NXPH1: variants seen among roughly 807,000 people sequenced by gnomAD.
The protein encoded by NXPH1 is neurexophilin 1, also known as neurexophilin-1.
In NXPH1, 5 loss-of-function variants were observed where a neutral mutation model predicts 23.7. The observed-to-expected ratio is 0.21, with a 90% confidence interval of 0.11 to 0.44. NXPH1 has a LOEUF of 0.44. Among genes scored for constraint, NXPH1 ranks in the 20% least tolerant of loss-of-function variants. The pLI, the probability that NXPH1 is intolerant of heterozygous loss-of-function variation, is 0.99. For synonymous variants in NXPH1, 144 were observed against 122.2 expected (o/e 1.18, Z -1.18); for missense variants, 324 against 321.6 (o/e 1.01, Z -0.06).
At chr7:8,745,719 A>ATTTTTTTTTTTTTTTTT (rs56019801) in intron 2 of NXPH1, among the ~76,000 whole-genome samples, 4 of 111,822 alleles carry the variant, frequency 3.6e-5, no homozygotes, top group Admixed American at 2.0e-4. Context: ...CGCCCAGCTA[A>ATTTTTTTTTTTTTTTTT]TTTTTTTTTT....
intron 2 of NXPH1, among the ~76,000 whole-genome samples, chr7:8,489,148 G>C (rs1405299016): frequency 6.6e-6 from 1 of 152,044 alleles, no homozygotes; most frequent in African/African-American, 2.4e-5. Context: ...GGCTGTGACG[G>C]GAGGGTAAAA....
chr7:8,709,854 C>G (rs1779759674), intron 2 of NXPH1, among the ~76,000 whole-genome samples: 1 of 152,164 alleles, frequency 6.6e-6, no homozygotes, highest in Non-Finnish European at 1.5e-5. Context: ...AAATTCTGAG[C>G]TAATGTTAGG....
At chr7:8,516,460 G>A (rs1477700389) in intron 2 of NXPH1, among the ~76,000 whole-genome samples, 3 of 152,074 alleles carry the variant, frequency 2.0e-5, no homozygotes, top group Admixed American at 6.6e-5. Context: ...ATTTAATACT[G>A]TTTTTGCTGA....
intron 2 of NXPH1, among the ~76,000 whole-genome samples, chr7:8,741,337 T>A (rs1780356818): frequency 6.6e-6 from 1 of 152,172 alleles, no homozygotes; most frequent in Non-Finnish European, 1.5e-5. Flanking sequence ...TCTTGGCAAT[T>A]GTGAATAATG....
At chr7:8,647,833 A>G (rs2349505) in intron 2 of NXPH1, among the ~76,000 whole-genome samples, 105,278 of 149,478 alleles carry the variant, frequency 0.7, 37,838 homozygotes, top group East Asian at 1. Context: ...TGGCCATTTT[A>G]TCCCTAACCC....
chr7:8,730,484 G>T (rs909458001), intron 2 of NXPH1, among the ~76,000 whole-genome samples: 32 of 152,028 alleles, frequency 2.1e-4, no homozygotes, highest in African/African-American at 7.5e-4. Context: ...GGTACCGGTT[G>T]TTCCTTTCCA....
chr7:8,467,100 A>G (rs945108566), intron 2 of NXPH1, among the ~76,000 whole-genome samples: 1 of 152,192 alleles, frequency 6.6e-6, no homozygotes, highest in Admixed American at 6.5e-5. Flanking sequence ...AATTTAAAAA[A>G]TTATTTGGTA....
intron 2 of NXPH1, among the ~76,000 whole-genome samples, chr7:8,640,459 T>C (rs944816577): frequency 1.3e-5 from 2 of 151,590 alleles, no homozygotes; most frequent in Non-Finnish European, 2.9e-5. Flanking sequence ...TTTAAATTCA[T>C]TTTGCTTGCT....
chr7:8,736,930 C>T (rs1376032942), intron 2 of NXPH1, among the ~76,000 whole-genome samples: 1 of 151,542 alleles, frequency 6.6e-6, no homozygotes, highest in African/African-American at 2.4e-5. Context: ...TCTGTTTTCT[C>T]AGAGACTAGG....
chr7:8,448,658 A>C (rs1433454009), intron 2 of NXPH1, among the ~76,000 whole-genome samples: 2 of 152,112 alleles, frequency 1.3e-5, no homozygotes, highest in Non-Finnish European at 2.9e-5. Flanking sequence ...CTCTACTAAA[A>C]TACAAAAAAC....
chr7:8,716,237 C>A (rs1254828584), intron 2 of NXPH1, among the ~76,000 whole-genome samples: 1 of 152,154 alleles, frequency 6.6e-6, no homozygotes, highest in East Asian at 1.9e-4. Context: ...TTATATTACA[C>A]TCCTCAAAAC....
At chr7:8,561,951 T>C (rs1818453634) in intron 2 of NXPH1, among the ~76,000 whole-genome samples, 1 of 151,740 alleles carries the variant, frequency 6.6e-6, no homozygotes, top group Admixed American at 6.6e-5. Context: ...TACATATACA[T>C]AGTGAAACGG....
intron 2 of NXPH1, among the ~76,000 whole-genome samples, chr7:8,441,112 G>C (rs1816289864): frequency 6.6e-6 from 1 of 152,150 alleles, no homozygotes; most frequent in Admixed American, 6.5e-5. Flanking sequence ...TTGTCCGTTA[G>C]GGGCTTCAGA....
chr7:8,436,644 G>A (rs1034012312), intron 2 of NXPH1, among the ~76,000 whole-genome samples: 1 of 152,138 alleles, frequency 6.6e-6, no homozygotes, highest in African/African-American at 2.4e-5. Flanking sequence ...GGGGGAATGG[G>A]GGTAAGGGAC....
intron 2 of NXPH1, among the ~76,000 whole-genome samples, chr7:8,706,219 A>G (rs1779703838): frequency 6.6e-6 from 1 of 152,208 alleles, no homozygotes; most frequent in Non-Finnish European, 1.5e-5. Context: ...ATACCCGAAC[A>G]TGGATCATCA....
intron 2 of NXPH1, among the ~76,000 whole-genome samples, chr7:8,554,032 A>G (rs763323): frequency 0.14 from 21,114 of 151,590 alleles, 2,404 homozygotes; most frequent in African/African-American, 0.31. Context: ...CAGTGGCTGA[A>G]GTGTGGTTTT....
chr7:8,440,765 G>A (rs1816283165), intron 2 of NXPH1, among the ~76,000 whole-genome samples: 1 of 151,954 alleles, frequency 6.6e-6, no homozygotes, highest in Admixed American at 6.6e-5. Flanking sequence ...AGGGGGTGGG[G>A]AGTTGACTAG....
chr7:8,455,514 CA>C lies in NXPH1; in HGVS notation c.54+19748del, dbSNP rs1476133380. Among the ~76,000 whole-genome samples the C allele has an allele frequency of 1.2e-4, 19 of 152,302 alleles. No individual in the cohort carries two copies. In the East Asian group the frequency reaches 3.1e-3, roughly 25 times the overall value. ...GAAAGGTAAAGCTTTATTTCCTAGC[CA>C]GGACATTTCAGCTCACAAGGAGAAC... is the stretch of plus-strand genomic sequence containing the variant. On this transcript the variant is annotated intron_variant, in intron 2 of 2. Coordinates refer to ENST00000405863, the MANE Select transcript of NXPH1 (RefSeq NM_152745.3).
intron 2 of NXPH1, among the ~76,000 whole-genome samples, chr7:8,739,491 T>A (rs911387252): frequency 4.6e-5 from 7 of 152,066 alleles, no homozygotes; most frequent in Non-Finnish European, 1.0e-4. Flanking sequence ...TGTCTAACCA[T>A]TCCCTGTGAG....
Sources: allele counts gnomAD v4.1 joint callset (sites outside exome capture counted in the v4.1 genomes callset), GRCh38; gene constraint gnomAD v4.1.1; transcripts MANE v1.5; gene names NCBI Gene and HGNC (gene_info 2026-07-23, HGNC 2026-07-21).